Variants in GRIA2 observed in about 807,000 individuals in gnomAD.
GRIA2 encodes glutamate receptor 2.
A neutral mutation model predicts 97.3 loss-of-function variants in GRIA2; 14 were observed. The ratio of observed to expected loss-of-function variants is 0.14; its 90% confidence interval spans 0.10 to 0.23. The LOEUF is 0.23. Ranked by LOEUF, GRIA2 falls within the 10% of genes least tolerant of loss-of-function variation. The pLI is 1.00. For synonymous variants in GRIA2, 412 were observed against 387.8 expected (o/e 1.06, Z -0.73); for missense variants, 558 against 1,069.8 (o/e 0.52, Z 6.67).
At chr4:157,325,672 T>C (rs1734771781) in intron 6 of GRIA2, among the ~76,000 whole-genome samples, 1 of 152,218 alleles carries the variant, frequency 6.6e-6, no homozygotes, top group South Asian at 2.1e-4. Context: ...CTTATCCCAG[T>C]TGATGGCAAC....
chr4:157,245,776 A>G (rs1395034453), intron 2 of GRIA2, among the ~76,000 whole-genome samples: 1 of 152,034 alleles, frequency 6.6e-6, no homozygotes, highest in East Asian at 1.9e-4. Context: ...GTCTGTCTGA[A>G]TTTTATTCTC....
chr4:157,221,461 T>A (rs1729488742), intron 1 of GRIA2: 1 of 591,550 alleles, frequency 1.7e-6, no homozygotes, highest in Non-Finnish European at 3.0e-6. Flanking sequence ...TCTGGCCGCC[T>A]ACCTCGCCTT....
chr4:157,317,601 A>C, intron 4 of GRIA2, 57 bp from the exon 5 acceptor site: 1 of 706,718 alleles, frequency 1.4e-6, no homozygotes, highest in Non-Finnish European at 2.5e-6. Flanking sequence ...TAATACCATT[A>C]ATTTTACACT....
chr4:157,332,969 G>A lies in GRIA2; in HGVS notation c.1033G>A (p.Glu345Lys), dbSNP rs1436280537. The A allele has an allele frequency of 2.5e-6, 4 of 1,608,526 alleles. No homozygotes were observed. Among genetic ancestry groups the A allele is most frequent in the Non-Finnish European group, 2.5e-6 (3 of 1,177,432 alleles). The change falls in exon 7 of 16, where the codon GAA (glutamate) becomes AAA (lysine). Residue 345 changes from glutamate to lysine, a missense_variant. This residue lies in a region of GRIA2 where 66 missense variants were observed against 118.7 expected (regional missense o/e 0.56). Transcript: ENST00000264426. ...AVPWGQGVEI[E>K]RALKQVQVEG... Reference sequence around the variant, plus strand: ...GCCCTGGGGACAAGGTGTAGAAATAGAAAGGGCCCTCAAACAGGTCAGTTA... The same window carrying A: ...GCCCTGGGGACAAGGTGTAGAAATAAAAAGGGCCCTCAAACAGGTCAGTTA...
intron 2 of GRIA2, chr4:157,249,912 G>A (rs1730948030): frequency 1.3e-5 from 2 of 152,062 alleles, no homozygotes; most frequent in African/African-American, 2.4e-5. Flanking sequence ...TATGAGTCTT[G>A]CAATCAAACG....
In GRIA2 at chr4:157,303,695, G is replaced by A. The variant is rs1411353845; in HGVS notation, c.373G>A (p.Val125Ile). ...SFPTDGTHPFVIQMRPDLKGA... is the reference protein window; with the variant it reads ...SFPTDGTHPFIIQMRPDLKGA... ...CCCAACAGATGGCACACATCCATTT[G>A]TCATTCAGATGAGACCCGACCTCAA... is the stretch of plus-strand genomic sequence containing the variant. The change falls in exon 3 of 16, where the codon GTC becomes ATC. Residue 125 changes from valine (V) to isoleucine (I), a missense_variant. Coordinates refer to ENST00000264426, the MANE Select transcript of GRIA2 (RefSeq NM_001083619.3). 30 of 1,613,946 alleles carry A rather than the reference G, an allele frequency of 1.9e-5. No individual in the cohort carries two copies. Among genetic ancestry groups the A allele is most frequent in the Admixed American group, 5.0e-5 (3 of 59,982 alleles).
intron 6 of GRIA2, among the ~76,000 whole-genome samples, chr4:157,331,060 AG>A (rs1735027361): frequency 6.6e-6 from 1 of 152,042 alleles, no homozygotes; most frequent in African/African-American, 2.4e-5. Flanking sequence ...ATAAGCAAAA[AG>A]GAACTCTGGA....
At chr4:157,348,009 G>A (rs943587556) in intron 12 of GRIA2, among the ~76,000 whole-genome samples, 2 of 151,706 alleles carry the variant, frequency 1.3e-5, no homozygotes, top group Non-Finnish European at 1.5e-5. Flanking sequence ...CCAGCTACTC[G>A]GGAGGCTGAG....
intron 2 of GRIA2, among the ~76,000 whole-genome samples, chr4:157,270,726 C>G (rs776164956): frequency 6.6e-6 from 1 of 151,968 alleles, no homozygotes; most frequent in Non-Finnish European, 1.5e-5. Context: ...CAAAGTATTA[C>G]GGCAGTGCTG....
At position 157,363,161 on chromosome 4, in the gene GRIA2, G is replaced by A. The variant is rs1736711514; in HGVS notation, c.*3+114G>A. The A allele has an allele frequency of 1.1e-5, 12 of 1,141,908 alleles. No individual in the cohort carries two copies. In the South Asian group the frequency reaches 1.3e-4, roughly 12 times the overall value. The allele number at this position is 1,141,908 out of a possible 1,614,324, so 70.7% of individuals were successfully genotyped here. ...AATGGATCATCCTGTATGTATTGTT[G>A]ACGTTCTTCCATGTTCCCAGTTGGT... On this transcript the variant is annotated intron_variant, in intron 15 of 15. Transcript: ENST00000264426.
chr4:157,332,667 C>T (rs889205273), intron 6 of GRIA2, 152 bp from the exon 7 acceptor site: 8 of 559,390 alleles, frequency 1.4e-5, no homozygotes, highest in Admixed American at 3.1e-5. Flanking sequence ...TGCTTCTCTT[C>T]GATTCTTAGG....
chr4:157,338,814 GA>G (rs200796433), intron 11 of GRIA2, among the ~76,000 whole-genome samples: 1 of 151,860 alleles, frequency 6.6e-6, no homozygotes, highest in East Asian at 1.9e-4. Context: ...TAATACATTG[GA>G]AAAGTTAATG....
chr4:157,308,774 A>C (rs1382148367), intron 3 of GRIA2, among the ~76,000 whole-genome samples: 2 of 152,218 alleles, frequency 1.3e-5, no homozygotes, highest in Non-Finnish European at 2.9e-5. Flanking sequence ...GAATAGAGGC[A>C]GATCTCAAGT....
At chr4:157,296,475 AATT>A (rs1733354303) in intron 2 of GRIA2, among the ~76,000 whole-genome samples, 1 of 152,174 alleles carries the variant, frequency 6.6e-6, no homozygotes, top group African/African-American at 2.4e-5. Context: ...AGAATACAAA[AATT>A]ATTGTGGTTT....
intron 11 of GRIA2, among the ~76,000 whole-genome samples, chr4:157,339,967 G>A (rs1735477084): frequency 6.6e-6 from 1 of 151,694 alleles, no homozygotes; most frequent in Non-Finnish European, 1.5e-5. Context: ...TTGTGATAAA[G>A]TCCCTTAATT....
intron 7 of GRIA2, 31 bp from the exon 8 acceptor site, chr4:157,333,218 T>A: frequency 1.6e-6 from 2 of 1,284,096 alleles, no homozygotes; most frequent in South Asian, 1.3e-5. Flanking sequence ...AGTAAATATA[T>A]AACTCTGCTG....
rs1733738934 is a variant in GRIA2 at position 157,304,170 on chromosome 4, T to G, written c.469+379T>G. Among the ~76,000 whole-genome samples the G allele has an allele frequency of 1.3e-5, 2 of 152,312 alleles. 1 individual carries two copies. The highest frequency in any genetic ancestry group is 4.1e-4 in the South Asian group (2 of 4,824). On this transcript the variant is annotated intron_variant, in intron 3 of 15. Transcript: ENST00000264426. ...GAAACAGACAGTAACATACAGTTATTAAATATTGTTATATGCAAAAGTTTT... is the reference window on the plus strand; with the variant it reads ...GAAACAGACAGTAACATACAGTTATGAAATATTGTTATATGCAAAAGTTTT...
chr4:157,330,780 C>T (rs959145917), intron 6 of GRIA2, among the ~76,000 whole-genome samples: 4 of 151,974 alleles, frequency 2.6e-5, no homozygotes, highest in South Asian at 2.1e-4. Context: ...GTGGCTATGA[C>T]GTGATTGTGA....
chr4:157,233,836 C>T (rs578030601), intron 2 of GRIA2, among the ~76,000 whole-genome samples: 2 of 152,176 alleles, frequency 1.3e-5, no homozygotes, highest in Admixed American at 6.5e-5. Flanking sequence ...CTCACTGTCG[C>T]TCTGTAAAGC....
Sources: allele counts gnomAD v4.1 joint callset (sites outside exome capture counted in the v4.1 genomes callset), GRCh38; gene constraint gnomAD v4.1.1; regional missense constraint gnomAD v4.1.1; transcripts MANE v1.5; gene names NCBI Gene and HGNC (gene_info 2026-07-23, HGNC 2026-07-21).